The following NINL variants were observed in gnomAD, a reference collection of about 807,000 sequenced individuals.
NINL encodes ninein like.
NINL carries 153 observed loss-of-function variants against 160.3 expected under a neutral mutation model. The ratio of observed to expected loss-of-function variants is 0.95; its 90% confidence interval spans 0.84 to 1.09. NINL has a LOEUF of 1.09. NINL is among the 50% of genes least tolerant of loss of function. The probability of loss-of-function intolerance (pLI) is 0.00; values close to 1 mark genes in which losing one functional copy is unlikely to be tolerated. For synonymous variants in NINL, 800 were observed against 734.8 expected, an observed-to-expected ratio of 1.09 and a Z score of -1.43; for missense variants, 1,829 against 1,764.0, an observed-to-expected ratio of 1.04 and a Z score of -0.66.
chr20:25,502,167 A>C (rs951370615), intron 7 of NINL, among the ~76,000 whole-genome samples: 3 of 152,074 alleles, frequency 2.0e-5, no homozygotes, highest in African/African-American at 7.2e-5. Context: ...GTTTCACTAG[A>C]GACAGGGTTT....
Position 25,501,932 on chromosome 20 carries a change from T to C in NINL, c.862-922A>G, listed in dbSNP as rs1321930181. 2.0e-5 allele frequency among the ~76,000 whole-genome samples: 3 copies of C among 152,144 alleles called. No individual in the cohort carries two copies. In the South Asian group the frequency reaches 6.2e-4, roughly 32 times the overall value. ...GCATGAGCACTGTGCCGGGTCCTCA[T>C]TGATTTTTTTCACCAGGTTTCTAAA... On this transcript the variant is annotated intron_variant, in intron 7 of 23. Coordinates refer to ENST00000278886, the MANE Select transcript of NINL (RefSeq NM_025176.6).
At chr20:25,548,633 C>T (rs2064764227) in intron 1 of NINL, among the ~76,000 whole-genome samples, 2 of 151,500 alleles carry the variant, frequency 1.3e-5, no homozygotes, top group African/African-American at 4.9e-5. Flanking sequence ...GGCCACACGT[C>T]CCACACCCAG....
chr20:25,554,005 G>T (rs894093500), intron 1 of NINL, among the ~76,000 whole-genome samples: 4 of 152,256 alleles, frequency 2.6e-5, no homozygotes, highest in African/African-American at 7.2e-5. Flanking sequence ...AGCTATGGCT[G>T]GACCTGGCAG....
At chr20:25,582,612 A>G (rs2065186250) in intron 1 of NINL, among the ~76,000 whole-genome samples, 1 of 152,264 alleles carries the variant, frequency 6.6e-6, no homozygotes, top group South Asian at 2.1e-4. Flanking sequence ...TTGCCAATAC[A>G]GATCAATTCA....
At chr20:25,504,213 C>T in intron 6 of NINL, 109 bp from the exon 7 acceptor site, 1 of 1,188,742 alleles carries the variant, frequency 8.4e-7, no homozygotes, top group Non-Finnish European at 1.2e-6. Context: ...CCAACAAGGG[C>T]CGTTTCCTAG....
Position 25,517,750 on chromosome 20 carries a change from T to C in NINL, c.277+3A>G. The C allele has an allele frequency of 6.3e-7, 1 of 1,589,402 alleles. No homozygotes were observed. The highest frequency in any genetic ancestry group is 8.6e-7 in the Non-Finnish European group (1 of 1,168,330). On this transcript the variant is annotated splice_donor_region_variant and intron_variant, in intron 3 of 23. Coordinates refer to ENST00000278886, the MANE Select transcript of NINL (RefSeq NM_025176.6). ...AAAGAAAACACAGAGGAAATCCTCTTACCTGATTCCAAAGAACTACTGTCT... is the reference window on the plus strand; with the variant it reads ...AAAGAAAACACAGAGGAAATCCTCTCACCTGATTCCAAAGAACTACTGTCT...
rs1427337740 is a variant in NINL at position 25,461,599 on chromosome 20, A to C, written c.3619T>G (p.Cys1207Gly). ...QIQKLRVELE[C>G]LNQEHQSLQL... The stretch of plus-strand genomic sequence containing the variant: ...AGGCTCTGATGTTCCTGATTCAGGC[A>C]TTCAAGTTCAACTCTAAGTTTTTGG... The change falls in exon 21 of 24, where the codon TGC becomes GGC. Residue 1207 changes from cysteine (C) to glycine (G), a missense_variant. By Grantham distance (159) the Cys-to-Gly change is radical. Coordinates refer to ENST00000278886, the MANE Select transcript of NINL (RefSeq NM_025176.6). The C allele has an allele frequency of 6.2e-7, 1 of 1,612,108 alleles. No individual in the cohort carries two copies. The highest frequency in any genetic ancestry group is 1.7e-5 in the Admixed American group (1 of 59,516).
intron 10 of NINL, among the ~76,000 whole-genome samples, chr20:25,492,257 G>A (rs999369706): frequency 6.6e-6 from 1 of 151,882 alleles, no homozygotes; most frequent in African/African-American, 2.4e-5. Context: ...TATGAAGGAA[G>A]TACAATAATC....
Position 25,462,463 on chromosome 20 carries a change from C to T in NINL, c.3502G>A (p.Ala1168Thr), listed in dbSNP as rs1203804715. ...QLGQEASTHQAQNEEHRVTIQ... is the reference protein window; with the variant it reads ...QLGQEASTHQTQNEEHRVTIQ... Reference sequence around the variant, plus strand: ...GTCACACGATGCTCCTCGTTTTGGGCCTGGTGGGTAGAAGCCTCCTGTCCC... The same window carrying T: ...GTCACACGATGCTCCTCGTTTTGGGTCTGGTGGGTAGAAGCCTCCTGTCCC... The change falls in exon 20 of 24, where the codon GCC becomes ACC. Residue 1168 changes from alanine to threonine, a missense_variant. Transcript: ENST00000278886. 4 of 1,614,022 alleles carry T rather than the reference C, an allele frequency of 2.5e-6. No individual in the cohort carries two copies. Among genetic ancestry groups the T allele is most frequent in the African/African-American group, 2.7e-5 (2 of 74,910 alleles).
At chr20:25,507,509 C>T (rs900935667) in intron 5 of NINL, among the ~76,000 whole-genome samples, 1 of 152,192 alleles carries the variant, frequency 6.6e-6, no homozygotes, top group Non-Finnish European at 1.5e-5. Context: ...GCTATGTGTC[C>T]AGCCAGACAT....
chr20:25,455,681 T>C lies in NINL; in HGVS notation c.3949A>G (p.Lys1317Glu). The change falls in exon 23 of 24, where the codon AAG becomes GAG. Residue 1317 changes from lysine to glutamate, a missense_variant. Lys to Glu is a moderately conservative substitution (Grantham distance 56). Transcript: ENST00000278886. ...CAGCGCCCATCACTCACCTGCTCCT[T>C]CAGCTTATCCACTTTCTCTTGGAGG... is the stretch of plus-strand genomic sequence containing the variant. Reference protein sequence around the residue: ...MLLQEKVDKLKEQFEKNTKSD... With the variant: ...MLLQEKVDKLEEQFEKNTKSD... 1 of 1,612,842 alleles carries C rather than the reference T, an allele frequency of 6.2e-7. No individual in the cohort carries two copies. Among genetic ancestry groups the C allele is most frequent in the Non-Finnish European group, 8.5e-7 (1 of 1,178,762 alleles).
At chr20:25,584,468 GCAA>G (rs896775725) in intron 1 of NINL, among the ~76,000 whole-genome samples, 11 of 152,116 alleles carry the variant, frequency 7.2e-5, no homozygotes, top group South Asian at 6.2e-4. Context: ...TTCAAAAACA[GCAA>G]CAACAACAAG....
At chr20:25,583,289 C>T (rs1351914224) in intron 1 of NINL, among the ~76,000 whole-genome samples, 1 of 152,054 alleles carries the variant, frequency 6.6e-6, no homozygotes, top group Non-Finnish European at 1.5e-5. Flanking sequence ...AAAAAAACAA[C>T]CCCATCAAAA....
chr20:25,579,003 G>T (rs1311799864), intron 1 of NINL, among the ~76,000 whole-genome samples: 1 of 152,008 alleles, frequency 6.6e-6, no homozygotes, highest in African/African-American at 2.4e-5. Context: ...AATAAAAATG[G>T]GACTTTGAGC....
At chr20:25,478,551 T>C (rs374890004) in intron 16 of NINL, among the ~76,000 whole-genome samples, 111 of 152,342 alleles carry the variant, frequency 7.3e-4, no homozygotes, top group African/African-American at 2.5e-3. Flanking sequence ...GCTGGCCATC[T>C]TTCCCATTGT....
intron 13 of NINL, chr20:25,488,923 C>T (rs1329462867): frequency 2.0e-5 from 6 of 307,146 alleles, no homozygotes; most frequent in East Asian, 1.1e-4. Flanking sequence ...TCATTCACTG[C>T]GTCCACTGCG....
intron 1 of NINL, among the ~76,000 whole-genome samples, chr20:25,554,377 A>T (rs1221447814): frequency 6.6e-6 from 1 of 152,156 alleles, no homozygotes; most frequent in Non-Finnish European, 1.5e-5. Flanking sequence ...GATGGATAAA[A>T]ATGAACTTTC....
chr20:25,465,372 C>G (rs1470656091), intron 19 of NINL, among the ~76,000 whole-genome samples: 1 of 152,160 alleles, frequency 6.6e-6, no homozygotes, highest in Non-Finnish European at 1.5e-5. Flanking sequence ...TGAAATGTGA[C>G]CTGAACACTT....
intron 1 of NINL, among the ~76,000 whole-genome samples, chr20:25,548,263 C>A (rs2064759634): frequency 6.6e-6 from 1 of 152,178 alleles, no homozygotes; most frequent in Admixed American, 6.5e-5. Flanking sequence ...AATGAGGAAG[C>A]CAAACCTGAT....
Sources: gnomAD v4.1 joint callset for allele counts (sites outside exome capture counted in the v4.1 genomes callset) on GRCh38, gnomAD v4.1.1 for gene constraint, MANE v1.5 for transcripts, NCBI Gene and HGNC (gene_info 2026-07-23, HGNC 2026-07-21) for gene names.